ARPP21: variants seen among roughly 807,000 people sequenced by gnomAD.
The protein encoded by ARPP21 is cAMP regulated phosphoprotein 21.
A neutral mutation model predicts 113.2 loss-of-function variants in ARPP21; 69 were observed. The observed-to-expected ratio is 0.61, with a 90% CI of 0.50 to 0.74. ARPP21 has a LOEUF of 0.74. Among genes scored for constraint, ARPP21 ranks in the 30% least tolerant of loss-of-function variants. ARPP21 has a pLI of 0.00. For synonymous variants in ARPP21, 368 were observed against 375.5 expected (o/e 0.98, Z 0.23); for missense variants, 1,070 against 1,037.4 (o/e 1.03, Z -0.43).
chr3:35,757,417 G>T (rs1296548219), intron 19 of ARPP21, among the ~76,000 whole-genome samples: 2 of 151,860 alleles, frequency 1.3e-5, no homozygotes, highest in Admixed American at 6.6e-5. Flanking sequence ...GACCTAGTAG[G>T]TCTACCTGCT....
At chr3:35,791,098 C>T (rs895773358) in intron 19 of ARPP21, among the ~76,000 whole-genome samples, 6 of 152,146 alleles carry the variant, frequency 3.9e-5, no homozygotes, top group Non-Finnish European at 7.3e-5. Flanking sequence ...CATAATATTT[C>T]TGAAATGAAT....
intron 19 of ARPP21, among the ~76,000 whole-genome samples, chr3:35,750,488 T>G (rs1450397951): frequency 6.6e-6 from 1 of 152,182 alleles, no homozygotes; most frequent in Non-Finnish European, 1.5e-5. Flanking sequence ...ACCCAGGAAA[T>G]AGCCTATTTA....
At chr3:35,690,729 A>G (rs1392210110) in intron 8 of ARPP21, 136 bp from the exon 9 acceptor site, 18 of 769,070 alleles carry the variant, frequency 2.3e-5, no homozygotes, top group Non-Finnish European at 3.5e-5. Context: ...AAATTAGGAC[A>G]TTAAGTGATG....
intron 4 of ARPP21, among the ~76,000 whole-genome samples, chr3:35,683,192 G>A (rs2079495347): frequency 6.6e-6 from 1 of 151,642 alleles, no homozygotes; most frequent in South Asian, 2.1e-4. Context: ...CACTTGTTTT[G>A]TGTTCACACT....
intron 19 of ARPP21, among the ~76,000 whole-genome samples, chr3:35,751,121 A>G (rs541837389): frequency 8.5e-5 from 13 of 152,204 alleles, no homozygotes; most frequent in Non-Finnish European, 1.9e-4. Flanking sequence ...TACATAGCAG[A>G]GTAAAGAGGG....
chr3:35,689,873 A>G (rs2081740232), intron 7 of ARPP21, among the ~76,000 whole-genome samples: 1 of 151,650 alleles, frequency 6.6e-6, no homozygotes, highest in Non-Finnish European at 1.5e-5. Context: ...TTAACAAATA[A>G]GATAAGGAAT....
At chr3:35,767,363 T>C (rs1345682811) in intron 19 of ARPP21, among the ~76,000 whole-genome samples, 1 of 152,172 alleles carries the variant, frequency 6.6e-6, no homozygotes, top group Non-Finnish European at 1.5e-5. Context: ...AAAAATAATC[T>C]AACTTTTATA....
chr3:35,756,963 T>G (rs1045932379), intron 19 of ARPP21, among the ~76,000 whole-genome samples: 1 of 152,148 alleles, frequency 6.6e-6, no homozygotes, highest in Admixed American at 6.6e-5. Flanking sequence ...AAACAACTTA[T>G]AAACAAATAT....
At chr3:35,683,021 G>C in intron 4 of ARPP21, 132 bp downstream of exon 4, 2 of 801,968 alleles carry the variant, frequency 2.5e-6, no homozygotes, top group Non-Finnish European at 3.9e-6. Context: ...GGCTGTACTG[G>C]TGCTGGCTGT....
At chr3:35,747,644 A>G (rs898780914) in intron 19 of ARPP21, among the ~76,000 whole-genome samples, 3 of 152,122 alleles carry the variant, frequency 2.0e-5, no homozygotes, top group Non-Finnish European at 4.4e-5. Flanking sequence ...TTAGCCAGGC[A>G]TGGTGGTACT....
chr3:35,640,704 C>G (rs1222862562), intron 1 of ARPP21, among the ~76,000 whole-genome samples: 2 of 152,232 alleles, frequency 1.3e-5, no homozygotes, highest in Admixed American at 1.3e-4. Flanking sequence ...TTGCAATGCT[C>G]TTTTTGAAAG....
intron 19 of ARPP21, among the ~76,000 whole-genome samples, chr3:35,751,870 A>G (rs1368988604): frequency 2.6e-5 from 4 of 152,126 alleles, no homozygotes; most frequent in Non-Finnish European, 5.9e-5. Context: ...TACTCTGCCT[A>G]TGTAAACTCA....
At chr3:35,771,079 C>A (rs574284629) in intron 19 of ARPP21, among the ~76,000 whole-genome samples, 3 of 152,208 alleles carry the variant, frequency 2.0e-5, no homozygotes, top group Admixed American at 1.3e-4. Flanking sequence ...CAGAGCTCAT[C>A]TGCGAGTGCC....
At chr3:35,664,186 A>T (rs931538875) in intron 1 of ARPP21, among the ~76,000 whole-genome samples, 3 of 152,188 alleles carry the variant, frequency 2.0e-5, no homozygotes, top group Non-Finnish European at 2.9e-5. Flanking sequence ...ATTGACACGT[A>T]CATATTTATG....
chr3:35,779,100 C>T (rs1232489220), intron 19 of ARPP21, among the ~76,000 whole-genome samples: 2 of 152,134 alleles, frequency 1.3e-5, no homozygotes, highest in Non-Finnish European at 2.9e-5. Context: ...TATTTTCTTT[C>T]TCCCTAATGG....
chr3:35,756,264 A>T (rs903433830), intron 19 of ARPP21, among the ~76,000 whole-genome samples: 1 of 152,138 alleles, frequency 6.6e-6, no homozygotes, highest in African/African-American at 2.4e-5. Flanking sequence ...TCATCGAATT[A>T]GTATAATTCT....
chr3:35,756,548 T>A (rs1460785055), intron 19 of ARPP21, among the ~76,000 whole-genome samples: 1 of 152,030 alleles, frequency 6.6e-6, no homozygotes, highest in Non-Finnish European at 1.5e-5. Context: ...GGTGATAGTT[T>A]TGATGGCTCT....
chr3:35,759,156 A>G (rs960664599), intron 19 of ARPP21, among the ~76,000 whole-genome samples: 1 of 152,034 alleles, frequency 6.6e-6, no homozygotes, highest in Non-Finnish European at 1.5e-5. Flanking sequence ...AAAATTGGCA[A>G]GACAAACGTA....
In ARPP21 at chr3:35,729,401, T is replaced by C; in HGVS notation, c.1324T>C (p.Ser442Pro). The C allele has an allele frequency of 6.2e-7, 1 of 1,614,102 alleles. No individual in the cohort carries two copies. Among genetic ancestry groups the C allele is most frequent in the Non-Finnish European group, 8.5e-7 (1 of 1,180,024 alleles). The change falls in exon 15 of 21, where the codon TCT (serine) becomes CCT (proline). Residue 442 changes from serine to proline, a missense_variant. Ser to Pro is a moderately conservative substitution (Grantham distance 74). Transcript: ENST00000684406. ...CCTAGTCTCAGGTGTGGCAGCTGGC[T>C]CTCCAGGCTGTGTGCCTTATCCAGA... ...TPLVSGVAAG[S>P]PGCVPYPENG... is the part of the protein sequence containing the mutation.
Sources: gnomAD v4.1 joint callset for allele counts (sites outside exome capture counted in the v4.1 genomes callset) on GRCh38, gnomAD v4.1.1 for gene constraint, MANE v1.5 for transcripts, NCBI Gene and HGNC (gene_info 2026-07-23, HGNC 2026-07-21) for gene names.